PHC3: variants seen among roughly 807,000 people sequenced by gnomAD.
PHC3 encodes polyhomeotic-like protein 3.
In PHC3, 13 loss-of-function variants were observed where a neutral mutation model predicts 107.4. That is an observed-to-expected ratio of 0.12 (90% CI 0.08 to 0.19). The LOEUF is 0.19. Ranked by LOEUF, PHC3 falls within the 10% of genes least tolerant of loss-of-function variation. The pLI, the probability that PHC3 is intolerant of heterozygous loss-of-function variation, is 1.00. For synonymous variants in PHC3, 456 were observed against 427.4 expected (o/e 1.07, Z -0.83); for missense variants, 992 against 1,210.9 (o/e 0.82, Z 2.68).
Position 170,129,155 on chromosome 3 carries a change from T to C in PHC3, c.1317A>G (p.Ser439=), listed in dbSNP as rs766930550. The part of the protein sequence containing the change: ...QALIQPHPLV[S]SALQPGPNLQ... ...AATTTGGCCCTGGCTGGAGAGCTGA[T>C]GACACAAGAGGGTGTGGCTGAATAA... The change falls in exon 8 of 15, where the codon TCA becomes TCG. Residue 439 remains serine, a synonymous_variant. Transcript: ENST00000495893. The C allele has an allele frequency of 4.3e-6, 7 of 1,613,778 alleles. No homozygotes were observed. In the African/African-American group the frequency reaches 6.7e-5, roughly 15 times the overall value.
chr3:170,120,922 C>A (rs1170112733), intron 9 of PHC3, among the ~76,000 whole-genome samples: 1 of 152,060 alleles, frequency 6.6e-6, no homozygotes. Flanking sequence ...AAAGCCGGAA[C>A]CAAGATTAGT....
intron 3 of PHC3, among the ~76,000 whole-genome samples, 178 bp from the exon 4 acceptor site, chr3:170,171,628 C>A (rs1008608318): frequency 1.3e-5 from 2 of 152,150 alleles, no homozygotes; most frequent in Non-Finnish European, 2.9e-5. Flanking sequence ...TAAGGAAAAG[C>A]TGAATGGTGA....
intron 10 of PHC3, 30 bp downstream of exon 10, chr3:170,117,196 A>C (rs1056272481): frequency 2.5e-6 from 4 of 1,613,312 alleles, no homozygotes; most frequent in Non-Finnish European, 3.4e-6. Context: ...ATAAATTACA[A>C]ACACACACAC....
At chr3:170,145,659 T>C (rs1724816152) in intron 5 of PHC3, 138 bp from the exon 6 acceptor site, 1 of 488,202 alleles carries the variant, frequency 2.0e-6, no homozygotes, top group Non-Finnish European at 3.6e-6. Context: ...CAAAAGGTTC[T>C]ACATGACAAA....
intron 8 of PHC3, 125 bp from the exon 9 acceptor site, chr3:170,122,869 AACAG>A (rs1720617567): frequency 9.6e-7 from 1 of 1,043,464 alleles, no homozygotes; most frequent in Non-Finnish European, 1.3e-6. Flanking sequence ...TGACTACTCT[AACAG>A]ACTGAAAGGA....
At chr3:170,168,937 A>G (rs1055493774) in intron 4 of PHC3, among the ~76,000 whole-genome samples, 3 of 151,848 alleles carry the variant, frequency 2.0e-5, no homozygotes, top group African/African-American at 7.3e-5. Context: ...CCTTGCGACC[A>G]GAAGTGTTTC....
intron 4 of PHC3, among the ~76,000 whole-genome samples, chr3:170,151,619 CA>C (rs1725995046): frequency 6.6e-6 from 1 of 152,146 alleles, no homozygotes; most frequent in Admixed American, 6.5e-5. Flanking sequence ...GGCTACAAGT[CA>C]AATCCCTATT....
chr3:170,161,729 A>T (rs1454237231), intron 4 of PHC3, among the ~76,000 whole-genome samples: 1 of 152,178 alleles, frequency 6.6e-6, no homozygotes, highest in Admixed American at 6.5e-5. Context: ...GTCCAAAATT[A>T]AAGTGCCCAC....
chr3:170,171,649 TC>T (rs1459947199), intron 3 of PHC3, among the ~76,000 whole-genome samples, 199 bp from the exon 4 acceptor site: 1 of 152,192 alleles, frequency 6.6e-6, no homozygotes, highest in Admixed American at 6.5e-5. Flanking sequence ...AAACAGGGGA[TC>T]CAAAGACTAA....
At chr3:170,126,528 A>ATATATTTTTTTT (rs370421296) in intron 8 of PHC3, among the ~76,000 whole-genome samples, 4 of 90,618 alleles carry the variant, frequency 4.4e-5, no homozygotes, top group African/African-American at 1.3e-4. Context: ...ATATATATAT[A>ATATATTTTTTTT]TTTTTTTTTT....
intron 12 of PHC3, 117 bp downstream of exon 12, chr3:170,106,715 A>G (rs972526492): frequency 5.4e-6 from 3 of 551,314 alleles, no homozygotes; most frequent in Non-Finnish European, 3.1e-6. Flanking sequence ...GGTTTCTTCT[A>G]TAATATTACA....
chr3:170,177,422 A>G (rs1320779377), intron 2 of PHC3, among the ~76,000 whole-genome samples: 1 of 152,122 alleles, frequency 6.6e-6, no homozygotes, highest in Non-Finnish European at 1.5e-5. Flanking sequence ...GCTGGAGTGC[A>G]GTGGCGCTAT....
intron 8 of PHC3, among the ~76,000 whole-genome samples, chr3:170,123,308 CTCTT>C (rs1165369468): frequency 6.6e-6 from 1 of 151,408 alleles, no homozygotes; most frequent in South Asian, 2.1e-4. Context: ...AATCTAATGA[CTCTT>C]TATATATAAT....
chr3:170,116,895 A>G (rs1719092930), intron 10 of PHC3, among the ~76,000 whole-genome samples: 2 of 136,554 alleles, frequency 1.5e-5, no homozygotes, highest in African/African-American at 5.5e-5. Context: ...TGGTCAACAG[A>G]GCAAGATCCT....
intron 6 of PHC3, among the ~76,000 whole-genome samples, chr3:170,144,798 C>T (rs1253467193): frequency 2.0e-5 from 3 of 152,086 alleles, no homozygotes; most frequent in Non-Finnish European, 1.5e-5. Flanking sequence ...CTCAATCTCC[C>T]AGGCTCGAGC....
Position 170,123,356 on chromosome 3 carries a change from T to TACACACACACACACACACACAC in PHC3, c.1789-613_1789-612insGTGTGTGTGTGTGTGTGTGTGT, listed in dbSNP as rs3980601. ...AGAAAATATCTTTCCTTGAAATGCA[T>TACACACACACACACACACACAC]ACACACACACACACACACAGCCTAA... is the stretch of plus-strand genomic sequence containing the variant. On this transcript the variant is annotated intron_variant, in intron 8 of 14. Transcript: ENST00000495893. Among the ~76,000 whole-genome samples the TACACACACACACACACACACAC allele has an allele frequency of 2.3e-3, 342 of 149,916 alleles. 2 individuals are homozygous for TACACACACACACACACACACAC. The highest frequency in any genetic ancestry group is 7.1e-3 in the African/African-American group (289 of 40,452).
At chr3:170,106,508 G>A (rs1486185211) in intron 12 of PHC3, among the ~76,000 whole-genome samples, 1 of 152,014 alleles carries the variant, frequency 6.6e-6, no homozygotes, top group African/African-American at 2.4e-5. Context: ...TGATGAAATC[G>A]TGATGACTTC....
chr3:170,178,952 CAA>C lies in PHC3; in HGVS notation c.15-16_15-15del. 9 of 1,606,136 alleles carry C rather than the reference CAA, an allele frequency of 5.6e-6. No homozygotes were observed. The highest frequency in any genetic ancestry group is 7.7e-6 in the Non-Finnish European group (9 of 1,175,090). The stretch of plus-strand genomic sequence containing the variant: ...TGGTCCTTAAATCTGGCAGGTCACA[CAA>C]AGTGTTTGTATTGGTAAAAGCATTA... On this transcript the variant is annotated splice_polypyrimidine_tract_variant and intron_variant, in intron 1 of 14. Transcript: ENST00000495893.
At position 170,095,321 on chromosome 3, in the gene PHC3, A is replaced by G. The variant is rs1714513837; in HGVS notation, c.*1909T>C. 6.6e-6 allele frequency: 1 copy of G among 152,128 alleles called. No individual in the cohort carries two copies. The highest frequency in any genetic ancestry group is 1.5e-5 in the Non-Finnish European group (1 of 68,018). The allele number at this position is 152,128 out of a possible 1,614,324, so 9.4% of individuals were successfully genotyped here. A position where few individuals can be genotyped will look rare whatever the true frequency, so the allele number is the denominator to read the frequency against. On this transcript the variant is annotated 3_prime_UTR_variant, in exon 15 of 15. Coordinates refer to ENST00000495893, the MANE Select transcript of PHC3 (RefSeq NM_024947.4). Reference sequence around the variant, plus strand: ...CGTAGGTCTGGAACATGAGCCTTATATTATATTACATATTCTAATCCTACA... The same window carrying G: ...CGTAGGTCTGGAACATGAGCCTTATGTTATATTACATATTCTAATCCTACA...
Sources: gnomAD v4.1 joint callset for allele counts (sites outside exome capture counted in the v4.1 genomes callset) on GRCh38, gnomAD v4.1.1 for gene constraint, MANE v1.5 for transcripts, NCBI Gene and HGNC (gene_info 2026-07-23, HGNC 2026-07-21) for gene names.